Variants in OLFM2 observed in about 807,000 individuals in gnomAD.
OLFM2 encodes the protein olfactomedin 2.
OLFM2 carries 20 observed loss-of-function variants against 43.9 expected under a neutral mutation model. The observed-to-expected ratio is 0.46, with a 90% confidence interval of 0.32 to 0.66. The LOEUF is 0.66. Among genes scored for constraint, OLFM2 ranks in the 30% least tolerant of loss-of-function variants. The pLI is 0.04. For missense variants in OLFM2, 416 were observed against 643.6 expected (o/e 0.65, Z 3.83); for synonymous variants, 268 against 278.6 (o/e 0.96, Z 0.38).
At chr19:9,923,280 C>T (rs568587443) in intron 1 of OLFM2, among the ~76,000 whole-genome samples, 2 of 151,768 alleles carry the variant, frequency 1.3e-5, no homozygotes, top group Non-Finnish European at 2.9e-5. Context: ...AGTAGCTGGG[C>T]ACGGTGGCTC....
chr19:9,865,435 C>T (rs926793158), intron 1 of OLFM2, among the ~76,000 whole-genome samples: 1 of 150,414 alleles, frequency 6.6e-6, no homozygotes, highest in Admixed American at 6.7e-5. Context: ...CTCAGCCTCC[C>T]AAAGCACTGG....
chr19:9,896,091 A>ATTTTTT (rs71188854), intron 1 of OLFM2, among the ~76,000 whole-genome samples: 43 of 95,784 alleles, frequency 4.5e-4, no homozygotes, highest in African/African-American at 8.4e-4. Context: ...CTTTATTTTA[A>ATTTTTT]TTTTTTTTTT....
Position 9,857,468 on chromosome 19 carries a change from C to G in OLFM2, c.375G>C (p.Arg125Ser). The change falls in exon 4 of 6, where the codon AGG (arginine) becomes AGC (serine). Residue 125 changes from arginine to serine, a missense_variant. Coordinates refer to ENST00000264833, the MANE Select transcript of OLFM2 (RefSeq NM_058164.4). This position sits in a 1 kb window ranked among gnomAD's most constrained non-coding sequence, Gnocchi z 5.7. ...AGCTCAGGGGCAACAGTTCCGTCATCCTGTCCTTCAGCTCCTGTGCATCAA... is the reference window on the plus strand; with the variant it reads ...AGCTCAGGGGCAACAGTTCCGTCATGCTGTCCTTCAGCTCCTGTGCATCAA... ...SAKSFQELKD[R>S]MTELLPLSSV... 6.2e-7 allele frequency: 1 copy of G among 1,613,802 alleles called. No individual in the cohort carries two copies. Among genetic ancestry groups the G allele is most frequent in the Non-Finnish European group, 8.5e-7 (1 of 1,180,012 alleles).
At chr19:9,858,133 G>A (rs2046337683) in intron 2 of OLFM2, 6 of 545,902 alleles carry the variant, frequency 1.1e-5, no homozygotes, top group South Asian at 1.9e-5. Flanking sequence ...TTCATCCCCT[G>A]TAGTCAATTC....
At chr19:9,862,181 G>C (rs1045926273) in intron 1 of OLFM2, among the ~76,000 whole-genome samples, 2 of 152,176 alleles carry the variant, frequency 1.3e-5, no homozygotes, top group South Asian at 2.1e-4. Context: ...CTTAATGCCA[G>C]TGATACTTCT....
chr19:9,883,897 C>G (rs903220923), intron 1 of OLFM2, among the ~76,000 whole-genome samples: 2 of 152,096 alleles, frequency 1.3e-5, no homozygotes, highest in Admixed American at 6.6e-5. Context: ...ATCTGTAAAA[C>G]GAGGTGAACA....
At chr19:9,892,378 C>T (rs1394412893) in intron 1 of OLFM2, among the ~76,000 whole-genome samples, 2 of 152,190 alleles carry the variant, frequency 1.3e-5, no homozygotes, top group Non-Finnish European at 2.9e-5. Context: ...TGGGCCTGAC[C>T]TGGCTCAACC....
At chr19:9,893,776 A>T (rs1049650494) in intron 1 of OLFM2, among the ~76,000 whole-genome samples, 1 of 152,164 alleles carries the variant, frequency 6.6e-6, no homozygotes, top group Non-Finnish European at 1.5e-5. Context: ...CCATCATGTA[A>T]AATTCATTAA....
chr19:9,904,995 G>A (rs2046772898), intron 1 of OLFM2, among the ~76,000 whole-genome samples: 1 of 151,912 alleles, frequency 6.6e-6, no homozygotes, highest in African/African-American at 2.4e-5. Flanking sequence ...CTACAGTCTG[G>A]GTGACAGAGT....
chr19:9,863,911 G>T (rs900790036), intron 1 of OLFM2, among the ~76,000 whole-genome samples: 9 of 152,234 alleles, frequency 5.9e-5, no homozygotes, highest in African/African-American at 2.2e-4. Context: ...CTTCCTAAAT[G>T]GGGGGAACCC....
intron 1 of OLFM2, among the ~76,000 whole-genome samples, chr19:9,910,704 T>C (rs1273848815): frequency 6.6e-6 from 1 of 152,032 alleles, no homozygotes; most frequent in Non-Finnish European, 1.5e-5. Context: ...AATTGGTGAA[T>C]GCATGGATAG....
At chr19:9,903,463 T>G (rs1259227129) in intron 1 of OLFM2, among the ~76,000 whole-genome samples, 1 of 152,208 alleles carries the variant, frequency 6.6e-6, no homozygotes, top group Non-Finnish European at 1.5e-5. Flanking sequence ...TGCCCTTCCA[T>G]GATTAACTCT....
At chr19:9,886,671 T>C (rs2046589902) in intron 1 of OLFM2, among the ~76,000 whole-genome samples, 1 of 152,174 alleles carries the variant, frequency 6.6e-6, no homozygotes. Flanking sequence ...GCCCCTGTCA[T>C]GCTCCAGGAC....
chr19:9,887,962 G>A (rs1406352545), intron 1 of OLFM2, among the ~76,000 whole-genome samples: 1 of 152,100 alleles, frequency 6.6e-6, no homozygotes, highest in Non-Finnish European at 1.5e-5. Flanking sequence ...GAGCCTGGGA[G>A]GTCGAGGCTG....
rs1020667183 is a variant in OLFM2, at chr19:9,857,834, C to T, written c.241G>A (p.Val81Ile). The change falls in exon 3 of 6, where the codon GTC becomes ATC. Residue 81 changes from valine to isoleucine, a missense_variant. Val to Ile is a conservative substitution (Grantham distance 29). Transcript: ENST00000264833. This position sits in a 1 kb window ranked among gnomAD's most constrained non-coding sequence, Gnocchi z 5.7. Reference protein sequence around the residue: ...KVQNVSQSMEVLELRTYRDLQ... With the variant: ...KVQNVSQSMEILELRTYRDLQ... ...TCGCGATACGTCCGCAACTCAAGGA[C>T]CTCCATGGACTGGGAGACGTTCTGG... The T allele has an allele frequency of 1.9e-6, 3 of 1,614,104 alleles. No individual in the cohort carries two copies. The highest frequency in any genetic ancestry group is 2.2e-5 in the East Asian group (1 of 44,878).
chr19:9,869,469 T>G (rs1463346089), intron 1 of OLFM2, among the ~76,000 whole-genome samples: 2 of 152,136 alleles, frequency 1.3e-5, no homozygotes, highest in Non-Finnish European at 2.9e-5. Context: ...CTCTGTGTCT[T>G]TCTTAGTTTT....
chr19:9,915,496 TTTTATTTATTTA>T lies in OLFM2; in HGVS notation c.63+20796_63+20807del, dbSNP rs60485300. Among the ~76,000 whole-genome samples, 535 of 94,190 alleles carry T rather than the reference TTTTATTTATTTA, an allele frequency of 5.7e-3. 10 individuals carry two copies. The highest frequency in any genetic ancestry group is 0.047 in the South Asian group (150 of 3,176). The allele number at this position is 94,190 out of a possible 152,430, so 61.8% of individuals were successfully genotyped here. ...ACAGAGTGATTGGAGAAAGGGACTT[TTTTATTTATTTA>T]TTTATTTATTTATTTATTTATTTAT... is the stretch of plus-strand genomic sequence containing the variant. On this transcript the variant is annotated intron_variant, in intron 1 of 5. Transcript: ENST00000264833.
chr19:9,897,612 C>T (rs2046697759), intron 1 of OLFM2, among the ~76,000 whole-genome samples: 1 of 152,200 alleles, frequency 6.6e-6, no homozygotes, highest in African/African-American at 2.4e-5. Flanking sequence ...GCATTTGAGG[C>T]TCTCCATGAC....
chr19:9,915,672 C>G (rs958944971), intron 1 of OLFM2, among the ~76,000 whole-genome samples: 16 of 152,062 alleles, frequency 1.1e-4, no homozygotes, highest in African/African-American at 3.9e-4. Context: ...CACCCACCAC[C>G]ACGCCCGGCT....
Sources: gnomAD v4.1 joint callset for allele counts (sites outside exome capture counted in the v4.1 genomes callset) on GRCh38, gnomAD v4.1.1 for gene constraint, Gnocchi (gnomAD v3.1) non-coding constraint, MANE v1.5 for transcripts, NCBI Gene and HGNC (gene_info 2026-07-23, HGNC 2026-07-21) for gene names.